The following ITGAE variants were observed in gnomAD, a reference collection of about 807,000 sequenced individuals.
ITGAE encodes the protein integrin alpha-E.
A neutral mutation model predicts 136.5 loss-of-function variants in ITGAE; 99 were observed. That is an observed-to-expected ratio of 0.73 (90% CI 0.62 to 0.86). The LOEUF (loss-of-function observed/expected upper bound fraction) is 0.86. Among genes scored for constraint, ITGAE ranks in the 40% least tolerant of loss-of-function variants. The pLI is 0.00. For synonymous variants in ITGAE, 613 were observed against 591.8 expected (o/e 1.04, Z -0.52); for missense variants, 1,447 against 1,515.3 (o/e 0.95, Z 0.75).
Position 3,743,556 on chromosome 17 carries a change from G to T in ITGAE, c.2381C>A (p.Pro794His), listed in dbSNP as rs147776165. The change falls in exon 19 of 31, where the codon CCT (proline) becomes CAT (histidine). Residue 794 changes from proline (P) to histidine (H), a missense_variant. This residue lies in a region of ITGAE where 1,031 missense variants were observed against 1,011.4 expected (regional missense o/e 1.02). Transcript: ENST00000263087. ...SVKVSYQLQT[P>H]EGQTDHPQPI... ...CTGGGGATGGTCCGTCTGTCCCTCA[G>T]GGGTCTGGAGCTGGTAGCTGACTTT... 1.2e-6 allele frequency: 2 copies of T among 1,613,204 alleles called. No individual in the cohort carries two copies. The highest frequency in any genetic ancestry group is 2.2e-5 in the South Asian group (2 of 90,924).
At chr17:3,787,590 C>T (rs1289272266) in intron 1 of ITGAE, among the ~76,000 whole-genome samples, 3 of 152,108 alleles carry the variant, frequency 2.0e-5, no homozygotes, top group Non-Finnish European at 4.4e-5. Context: ...TCTTCATGAC[C>T]ATATGAACAC....
chr17:3,759,289 G>T, intron 8 of ITGAE, 113 bp downstream of exon 8: 1 of 1,241,784 alleles, frequency 8.1e-7, no homozygotes, highest in Non-Finnish European at 1.1e-6. Flanking sequence ...GCCAGGGAAA[G>T]GCTGGAGCCC....
At chr17:3,723,810 G>A (rs1444964801) in intron 26 of ITGAE, 66 bp from the exon 27 acceptor site, 1 of 1,581,998 alleles carries the variant, frequency 6.3e-7, no homozygotes, top group Non-Finnish European at 8.6e-7. Context: ...GTCCCGTCCC[G>A]GCCCCGGCCC....
At chr17:3,793,805 C>G (rs974040972) in intron 1 of ITGAE, among the ~76,000 whole-genome samples, 2 of 152,054 alleles carry the variant, frequency 1.3e-5, no homozygotes, top group Non-Finnish European at 2.9e-5. Context: ...CTTGGCCTCC[C>G]AAAGTGCTGG....
At chr17:3,721,390 G>A (rs530919049) in intron 28 of ITGAE, among the ~76,000 whole-genome samples, 1 of 141,156 alleles carries the variant, frequency 7.1e-6, no homozygotes, top group Non-Finnish European at 1.5e-5. Flanking sequence ...TCCTGCCTCA[G>A]CCTCCCAAGT....
chr17:3,726,993 G>T lies in ITGAE; in HGVS notation c.3084+926C>A, dbSNP rs551168974. On this transcript the variant is annotated intron_variant, in intron 26 of 30. Transcript: ENST00000263087. The stretch of plus-strand genomic sequence containing the variant: ...TCCACCCACCTCGGCATCCCAAAGT[G>T]CTGGGTGATTACAGGAGTGAGCCAT... Among the ~76,000 whole-genome samples, 4 of 152,184 alleles carry T rather than the reference G, an allele frequency of 2.6e-5. No homozygotes were observed. In the East Asian group the frequency reaches 7.7e-4, roughly 29 times the overall value.
chr17:3,755,906 C>A lies in ITGAE; in HGVS notation c.1172-9G>T. On this transcript the variant is annotated splice_polypyrimidine_tract_variant and intron_variant, in intron 10 of 30. Transcript: ENST00000263087. Reference sequence around the variant, plus strand: ...GGCGTCTCCAACCGTGCCTGCAAGCCAAGAAGCCCAGTGAGACTGCTGTGG... The same window carrying A: ...GGCGTCTCCAACCGTGCCTGCAAGCAAAGAAGCCCAGTGAGACTGCTGTGG... 1 of 1,589,630 alleles carries A rather than the reference C, an allele frequency of 6.3e-7. No homozygotes were observed. The highest frequency in any genetic ancestry group is 8.6e-7 in the Non-Finnish European group (1 of 1,167,854).
At chr17:3,741,128 A>G (rs1373575258) in intron 19 of ITGAE, among the ~76,000 whole-genome samples, 1 of 118,902 alleles carries the variant, frequency 8.4e-6, no homozygotes, top group Non-Finnish European at 1.6e-5. Context: ...CCCAGGCTGG[A>G]GTGCAGTGGC....
intron 15 of ITGAE, 144 bp from the exon 16 acceptor site, chr17:3,750,626 A>T: frequency 1.1e-6 from 1 of 950,022 alleles, no homozygotes; most frequent in Non-Finnish European, 1.5e-6. Context: ...AAGAGGGAGC[A>T]AGCTTTCCCA....
chr17:3,777,032 T>C (rs927160861), intron 2 of ITGAE, among the ~76,000 whole-genome samples: 24 of 149,936 alleles, frequency 1.6e-4, no homozygotes, highest in African/African-American at 2.0e-4. Flanking sequence ...GCCATCTCGG[T>C]TCACTGCAAG....
At chr17:3,753,722 C>T in intron 13 of ITGAE, 61 bp downstream of exon 13, 1 of 1,596,870 alleles carries the variant, frequency 6.3e-7, no homozygotes, top group Admixed American at 1.7e-5. Flanking sequence ...CACTCCTTTC[C>T]CTTGGGGGCC....
At chr17:3,794,593 G>C (rs2053018510) in intron 1 of ITGAE, among the ~76,000 whole-genome samples, 1 of 152,186 alleles carries the variant, frequency 6.6e-6, no homozygotes, top group South Asian at 2.1e-4. Context: ...AAAGGTTCCA[G>C]ATCAAGACCC....
rs1297263702 is a variant in ITGAE, at chr17:3,755,914, C to A, written c.1172-17G>T. ...CAACCGTGCCTGCAAGCCAAGAAGCCCAGTGAGACTGCTGTGGGCCGAGGT... is the reference window on the plus strand; with the variant it reads ...CAACCGTGCCTGCAAGCCAAGAAGCACAGTGAGACTGCTGTGGGCCGAGGT... On this transcript the variant is annotated splice_polypyrimidine_tract_variant and intron_variant, in intron 10 of 30. Transcript: ENST00000263087. 7 of 1,586,074 alleles carry A rather than the reference C, an allele frequency of 4.4e-6. No individual in the cohort carries two copies. The East Asian group carries it at 1.6e-4, about 36-fold the overall frequency.
chr17:3,788,645 G>C (rs1359206431), intron 1 of ITGAE, among the ~76,000 whole-genome samples: 1 of 148,606 alleles, frequency 6.7e-6, no homozygotes, highest in Admixed American at 6.8e-5. Flanking sequence ...AACATTTACT[G>C]ATCTAAATTT....
chr17:3,755,236 C>G lies in ITGAE; in HGVS notation c.1265G>C (p.Gly422Ala). 6.3e-7 allele frequency: 1 copy of G among 1,577,436 alleles called. No individual in the cohort carries two copies. Among genetic ancestry groups the G allele is most frequent in the Non-Finnish European group, 8.6e-7 (1 of 1,168,568 alleles). ...DERQVLLGAV[G>A]AFDWSGGALL... ...CGCCCCTCCGGACCAGTCAAAGGCCCCGACGGCGCCGAGCAGCACCTGCCG... is the reference window on the plus strand; with the variant it reads ...CGCCCCTCCGGACCAGTCAAAGGCCGCGACGGCGCCGAGCAGCACCTGCCG... Residue 422 changes from glycine (G) to alanine (A), a missense_variant, in exon 12 of 31, where the codon GGG (glycine) becomes GCG (alanine). Transcript: ENST00000263087.
chr17:3,715,222 G>A (rs777346107), intron 30 of ITGAE, among the ~76,000 whole-genome samples: 4 of 152,024 alleles, frequency 2.6e-5, no homozygotes, highest in Non-Finnish European at 5.9e-5. Context: ...TGATAATTTC[G>A]GCTGTACTGG....
rs1375574288 is a variant in ITGAE, at chr17:3,720,001, C to T, written c.3333+306G>A. 2.0e-5 allele frequency among the ~76,000 whole-genome samples: 3 copies of T among 152,216 alleles called. No homozygotes were observed. The East Asian group carries it at 5.8e-4, about 29-fold the overall frequency. Reference sequence around the variant, plus strand: ...TCGGCCTCCCAAAGTGCTAGGATTACAGGCGTGAGCCACCTGCGCCCAGCT... The same window carrying T: ...TCGGCCTCCCAAAGTGCTAGGATTATAGGCGTGAGCCACCTGCGCCCAGCT... On this transcript the variant is annotated intron_variant, in intron 29 of 30. Transcript: ENST00000263087.
rs755505153 is a variant in ITGAE, at chr17:3,777,620, C to T, written c.75G>A (p.Arg25=). 1 of 1,613,938 alleles carries T rather than the reference C, an allele frequency of 6.2e-7. No homozygotes were observed. The highest frequency in any genetic ancestry group is 1.1e-5 in the South Asian group (1 of 91,052). ...LLAAFNVDVA[R]PWLTPKGGAP... Reference sequence around the variant, plus strand: ...CACCTCCCTTGGGCGTGAGCCAGGGCCGGGCCACATCCACATTGAAAGCGG... The same window carrying T: ...CACCTCCCTTGGGCGTGAGCCAGGGTCGGGCCACATCCACATTGAAAGCGG... The change falls in exon 2 of 31, where the codon CGG becomes CGA. Residue 25 remains arginine (R), a synonymous_variant. Transcript: ENST00000263087.
intron 10 of ITGAE, among the ~76,000 whole-genome samples, chr17:3,756,566 T>C (rs2052032286): frequency 6.6e-6 from 1 of 152,018 alleles, no homozygotes; most frequent in East Asian, 1.9e-4. Flanking sequence ...CACGCCTGGC[T>C]ACATTTTTTT....
Sources: gnomAD v4.1 joint callset for allele counts (sites outside exome capture counted in the v4.1 genomes callset) on GRCh38, gnomAD v4.1.1 for gene constraint, gnomAD v4.1.1 regional missense constraint, MANE v1.5 for transcripts, NCBI Gene and HGNC (gene_info 2026-07-23, HGNC 2026-07-21) for gene names.